The following SARDH variants were observed in gnomAD, a reference collection of about 807,000 sequenced individuals.
The protein encoded by SARDH is sarcosine dehydrogenase, mitochondrial.
A neutral mutation model predicts 109.1 loss-of-function variants in SARDH; 95 were observed. The observed-to-expected ratio is 0.87, with a 90% confidence interval of 0.74 to 1.03. The LOEUF is 1.03. Ranked by LOEUF, SARDH falls within the 50% of genes least tolerant of loss-of-function variation. SARDH has a pLI of 0.00. For missense variants in SARDH, 1,267 were observed against 1,287.8 expected (o/e 0.98, Z 0.25); for synonymous variants, 572 against 534.8 (o/e 1.07, Z -0.96).
chr9:133,662,207 G>C (rs773927907), downstream of SARDH, among the ~76,000 whole-genome samples: 1 of 152,100 alleles, frequency 6.6e-6, no homozygotes, highest in African/African-American at 2.4e-5. This position sits in a 1 kb window ranked among gnomAD's most constrained non-coding sequence, Gnocchi z 5.1. Flanking sequence ...CTCTCTCCTC[G>C]GGACAGGGTG....
At chr9:133,684,785 A>C (rs941244516) in intron 17 of SARDH, among the ~76,000 whole-genome samples, 4 of 152,182 alleles carry the variant, frequency 2.6e-5, no homozygotes, top group Non-Finnish European at 5.9e-5. Flanking sequence ...AGGCTGCCAC[A>C]CGGAGCTCTC....
chr9:133,732,400 G>GGCCC, intron 3 of SARDH, 23 bp downstream of exon 3: 1 of 763,146 alleles, frequency 1.3e-6, no homozygotes, highest in Non-Finnish European at 1.7e-6. Context: ...CCCCCTCCTT[G>GGCCC]CCCCCCGCAG....
chr9:133,717,087 G>A (rs900760355), intron 8 of SARDH, among the ~76,000 whole-genome samples: 8 of 152,182 alleles, frequency 5.3e-5, no homozygotes, highest in African/African-American at 1.9e-4. Flanking sequence ...GCAGGAGGAG[G>A]CCCTGGCCTC....
intron 14 of SARDH, 21 bp from the exon 15 acceptor site, chr9:133,694,392 C>T (rs1298602297): frequency 1.3e-6 from 2 of 1,541,134 alleles, no homozygotes; most frequent in Non-Finnish European, 1.8e-6. Flanking sequence ...GAGAAGGAAG[C>T]CGGGTCTGTG....
intron 13 of SARDH, among the ~76,000 whole-genome samples, chr9:133,696,829 G>A (rs143699955): frequency 8.2e-4 from 125 of 152,230 alleles, no homozygotes; most frequent in African/African-American, 2.7e-3. Flanking sequence ...CAGCTAAAGC[G>A]ATGCTCACAG....
At chr9:133,698,305 G>A (rs913149416) in intron 13 of SARDH, among the ~76,000 whole-genome samples, 1 of 152,124 alleles carries the variant, frequency 6.6e-6, no homozygotes, top group Non-Finnish European at 1.5e-5. Context: ...CCATGTTCAT[G>A]AAACAAAAGA....
At chr9:133,680,508 C>A (rs1450063440) in intron 17 of SARDH, among the ~76,000 whole-genome samples, 1 of 152,226 alleles carries the variant, frequency 6.6e-6, no homozygotes, top group Non-Finnish European at 1.5e-5. Flanking sequence ...GAGGGACAGC[C>A]TCCCAGGTCA....
intron 17 of SARDH, among the ~76,000 whole-genome samples, chr9:133,672,923 C>T (rs1165346375): frequency 6.6e-6 from 1 of 152,210 alleles, no homozygotes; most frequent in Non-Finnish European, 1.5e-5. Flanking sequence ...GTGAAAGACA[C>T]GATGGCTCAA....
intron 6 of SARDH, among the ~76,000 whole-genome samples, chr9:133,727,915 G>C (rs1832548115): frequency 6.6e-6 from 1 of 152,118 alleles, no homozygotes; most frequent in Admixed American, 6.5e-5. Context: ...CCACAGTCCT[G>C]GGCTCGGTGG....
chr9:133,703,008 C>CGTA lies in SARDH; in HGVS notation c.1573_1575dup (p.Tyr525dup), dbSNP rs1021628244. 2 of 1,613,232 alleles carry CGTA rather than the reference C, an allele frequency of 1.2e-6. No individual in the cohort carries two copies. Among genetic ancestry groups the CGTA allele is most frequent in the Admixed American group, 1.7e-5 (1 of 59,996 alleles). On this transcript the variant is annotated inframe_insertion, in exon 13 of 21. Transcript: ENST00000439388. ...TCGTGCGCGCGGCTCCCGTAAGCCC[C>CGTA]GTAGTAGTCGTACTCGAGGACCTGG... is the stretch of plus-strand genomic sequence containing the variant.
intron 17 of SARDH, among the ~76,000 whole-genome samples, chr9:133,674,802 G>A (rs1273714145): frequency 1.3e-5 from 2 of 152,210 alleles, no homozygotes; most frequent in Non-Finnish European, 2.9e-5. Context: ...GAAGGCATGG[G>A]GAGTTGGAAA....
chr9:133,739,476 T>G (rs1470556856), upstream of SARDH, among the ~76,000 whole-genome samples: 1 of 152,108 alleles, frequency 6.6e-6, no homozygotes, highest in Non-Finnish European at 1.5e-5. Context: ...GGGCTCAGGG[T>G]CCACGAAGCA....
intron 8 of SARDH, among the ~76,000 whole-genome samples, chr9:133,715,505 C>T (rs535847240): frequency 1.1e-4 from 17 of 152,304 alleles, no homozygotes; most frequent in African/African-American, 3.4e-4. Flanking sequence ...TGCTTCTCCC[C>T]GGGGCTGCAC....
At position 133,718,883 on chromosome 9, in the gene SARDH, A is replaced by G; in HGVS notation, c.1020+55T>C. ...GGACTTCCTGAAAGAGGCCCTCTCC[A>G]TGCTGAGATGCAGCCCCAACTCCCT... On this transcript the variant is annotated intron_variant, in intron 7 of 20. Transcript: ENST00000439388. The surrounding 1 kb of genome is among the most constrained non-coding windows in gnomAD (Gnocchi z 4.2). 4 of 1,358,806 alleles carry G rather than the reference A, an allele frequency of 2.9e-6. 1 individual carries two copies. In the South Asian group the frequency reaches 4.7e-5, roughly 16 times the overall value. The allele number at this position is 1,358,806 out of a possible 1,614,324, so 84.2% of individuals were successfully genotyped here. A position where few individuals can be genotyped will look rare whatever the true frequency, so the allele number is the denominator to read the frequency against.
At chr9:133,726,353 G>C (rs1270527316) in intron 6 of SARDH, among the ~76,000 whole-genome samples, 1 of 17,212 alleles carries the variant, frequency 5.8e-5, no homozygotes, top group Non-Finnish European at 1.7e-4. Flanking sequence ...GGGAAACAGA[G>C]TGAGACCCTG....
Position 133,665,349 on chromosome 9 carries a change from C to T in SARDH, c.2632-1335G>A, listed in dbSNP as rs962730409. On this transcript the variant is annotated intron_variant, in intron 20 of 20. Coordinates refer to ENST00000439388, the MANE Select transcript of SARDH (RefSeq NM_001134707.2). ...ACCCTGGCATGGAGCCCATAAACTC[C>T]GGTTTGGCTGGGCCCCAGGGCTGTG... Among the ~76,000 whole-genome samples the T allele has an allele frequency of 4.6e-5, 7 of 152,344 alleles. No individual in the cohort carries two copies. The South Asian group carries it at 1.0e-3, about 23-fold the overall frequency.
chr9:133,690,818 T>A (rs1831064626), intron 15 of SARDH, among the ~76,000 whole-genome samples: 1 of 152,146 alleles, frequency 6.6e-6, no homozygotes, highest in African/African-American at 2.4e-5. Flanking sequence ...GACGGTGTCT[T>A]GGGAACACAC....
At chr9:133,670,845 C>T in intron 18 of SARDH, 93 bp from the exon 19 acceptor site, 7 of 1,417,450 alleles carry the variant, frequency 4.9e-6, no homozygotes, top group Non-Finnish European at 6.5e-6. Context: ...CCACCCCCTC[C>T]AGCCCCTAGC....
chr9:133,696,642 G>A (rs750689211), intron 13 of SARDH, among the ~76,000 whole-genome samples: 17 of 152,092 alleles, frequency 1.1e-4, no homozygotes, highest in Admixed American at 2.6e-4. Context: ...CTCTGACCGC[G>A]ATGTAATTAA....
Sources: allele counts gnomAD v4.1 joint callset (sites outside exome capture counted in the v4.1 genomes callset), GRCh38; gene constraint gnomAD v4.1.1; non-coding constraint Gnocchi (gnomAD v3.1); transcripts MANE v1.5; gene names NCBI Gene and HGNC (gene_info 2026-07-23, HGNC 2026-07-21).